The following TOX variants were observed in gnomAD, a reference collection of about 807,000 sequenced individuals.
TOX encodes the protein thymocyte selection associated high mobility group box.
TOX carries 11 observed loss-of-function variants against 53.7 expected under a neutral mutation model. The ratio of observed to expected loss-of-function variants is 0.20; its 90% CI spans 0.13 to 0.34. The LOEUF (loss-of-function observed/expected upper bound fraction) is 0.34. Among genes scored for constraint, TOX ranks in the 10% least tolerant of loss-of-function variants. The probability of loss-of-function intolerance (pLI) is 1.00; values close to 1 mark genes in which losing one functional copy is unlikely to be tolerated. For synonymous variants in TOX, 225 were observed against 245.3 expected (o/e 0.92, Z 0.77); for missense variants, 570 against 664.6 (o/e 0.86, Z 1.56).
chr8:59,111,273 G>T (rs1289254608), intron 1 of TOX, among the ~76,000 whole-genome samples: 1 of 152,054 alleles, frequency 6.6e-6, no homozygotes, highest in African/African-American at 2.4e-5. Context: ...CCTGAGAAAG[G>T]CCTATGGTTT....
intron 1 of TOX, among the ~76,000 whole-genome samples, chr8:59,099,942 T>A (rs1213172228): frequency 3.3e-5 from 5 of 152,182 alleles, no homozygotes; most frequent in African/African-American, 1.2e-4. Context: ...AAAGAAAGGT[T>A]CCTGATTTTG....
intron 1 of TOX, among the ~76,000 whole-genome samples, chr8:58,969,112 T>C (rs1199441623): frequency 6.6e-6 from 1 of 152,202 alleles, no homozygotes; most frequent in Non-Finnish European, 1.5e-5. Flanking sequence ...AAATAGACTT[T>C]TGGTGATTAA....
At chr8:58,909,500 C>CA (rs34610042) in intron 3 of TOX, among the ~76,000 whole-genome samples, 11 of 151,230 alleles carry the variant, frequency 7.3e-5, no homozygotes, top group Middle Eastern at 3.4e-3. Flanking sequence ...CAACCATTTA[C>CA]AAAAAAAAAG....
chr8:58,838,071 A>G lies in TOX; in HGVS notation c.924+10T>C. ...TTATGTAGATTCCCATTCCACTGGG[A>G]ATCCCTTACCTGTTTTTGCTCTTCT... On this transcript the variant is annotated intron_variant, in intron 5 of 8. Coordinates refer to ENST00000361421, the MANE Select transcript of TOX (RefSeq NM_014729.3). 6.2e-7 allele frequency: 1 copy of G among 1,612,226 alleles called. No homozygotes were observed.
intron 1 of TOX, among the ~76,000 whole-genome samples, chr8:59,084,428 C>T (rs749913104): frequency 2.6e-5 from 4 of 152,104 alleles, no homozygotes; most frequent in Non-Finnish European, 4.4e-5. Flanking sequence ...AGATAACACT[C>T]TCTGGTAAAA....
chr8:59,015,979 T>C (rs1814001634), intron 1 of TOX, among the ~76,000 whole-genome samples: 2 of 152,328 alleles, frequency 1.3e-5, no homozygotes, highest in South Asian at 4.1e-4. Flanking sequence ...TTCAGTTTTA[T>C]GCTCTTAAAT....
rs1263613937 is a variant in TOX at position 59,056,404 on chromosome 8, C to T, written c.102+62482G>A. On this transcript the variant is annotated intron_variant, in intron 1 of 8. Coordinates refer to ENST00000361421, the MANE Select transcript of TOX (RefSeq NM_014729.3). ...CTATGATCGTGCCACTGCACTCCAG[C>T]CTGGGTGATAGAGCAAGGCCCTCTC... is the stretch of plus-strand genomic sequence containing the variant. 2.3e-5 allele frequency among the ~76,000 whole-genome samples: 3 copies of T among 132,566 alleles called. No homozygotes were observed. The East Asian group carries it at 6.4e-4, about 28-fold the overall frequency. 87.0% of individuals were successfully genotyped at this position (132,566 alleles called of 152,430 possible). A position where few individuals can be genotyped will look rare whatever the true frequency, so the allele number is the denominator to read the frequency against.
At chr8:59,092,815 T>C (rs974169358) in intron 1 of TOX, among the ~76,000 whole-genome samples, 2 of 152,182 alleles carry the variant, frequency 1.3e-5, no homozygotes, top group African/African-American at 4.8e-5. Flanking sequence ...TATATTATAA[T>C]GACCTATTTG....
At chr8:58,975,368 C>G (rs1813077499) in intron 1 of TOX, among the ~76,000 whole-genome samples, 1 of 152,016 alleles carries the variant, frequency 6.6e-6, no homozygotes, top group Admixed American at 6.6e-5. Flanking sequence ...TGACCAGGTT[C>G]TCTTCTAGAA....
intron 1 of TOX, among the ~76,000 whole-genome samples, chr8:58,998,605 GTAATAAATTTATA>G (rs376794435): frequency 3.1e-5 from 1 of 32,370 alleles, no homozygotes; most frequent in African/African-American, 5.6e-5. Flanking sequence ...ATAAATTTAT[GTAATAAATTTATA>G]TAATAATATA....
At chr8:58,920,695 C>A in intron 3 of TOX, among the ~76,000 whole-genome samples, 3 of 68,598 alleles carry the variant, frequency 4.4e-5, no homozygotes, top group East Asian at 4.2e-4. Flanking sequence ...TACCCTAAAA[C>A]TTAAAGTATA....
At chr8:59,000,795 G>A (rs1813676597) in intron 1 of TOX, among the ~76,000 whole-genome samples, 1 of 152,038 alleles carries the variant, frequency 6.6e-6, no homozygotes, top group Non-Finnish European at 1.5e-5. Context: ...ACATTAAAGA[G>A]ATCAAACCCA....
chr8:58,936,365 G>A (rs1209825924), intron 3 of TOX, among the ~76,000 whole-genome samples: 1 of 152,102 alleles, frequency 6.6e-6, no homozygotes, highest in Non-Finnish European at 1.5e-5. Context: ...AGTTCCTACT[G>A]AGTTCATGGC....
intron 1 of TOX, among the ~76,000 whole-genome samples, chr8:59,017,003 C>T (rs367116): frequency 0.79 from 119,694 of 152,146 alleles, 47,413 homozygotes; most frequent in East Asian, 0.9. Flanking sequence ...AAGATGTCTA[C>T]ATTGCTCCTT....
At chr8:59,003,324 G>T (rs1364758244) in intron 1 of TOX, among the ~76,000 whole-genome samples, 1 of 152,058 alleles carries the variant, frequency 6.6e-6, no homozygotes, top group Non-Finnish European at 1.5e-5. Flanking sequence ...TTTCAGGTGC[G>T]ATTCAAGAAA....
intron 1 of TOX, among the ~76,000 whole-genome samples, chr8:59,090,920 C>T (rs1375048260): frequency 6.6e-6 from 1 of 152,184 alleles, no homozygotes; most frequent in African/African-American, 2.4e-5. Flanking sequence ...GTCCTTTATT[C>T]TATCAAAGGC....
intron 5 of TOX, among the ~76,000 whole-genome samples, chr8:58,836,605 A>C (rs1810550673): frequency 6.6e-6 from 1 of 152,168 alleles, no homozygotes; most frequent in African/African-American, 2.4e-5. Context: ...GTAGGGAAAT[A>C]CGTAGAGATT....
chr8:58,864,489 CA>C (rs2129169395), intron 3 of TOX, among the ~76,000 whole-genome samples: 1 of 152,246 alleles, frequency 6.6e-6, no homozygotes, highest in East Asian at 1.9e-4. Flanking sequence ...CCTAACGTTT[CA>C]AAAATAACTT....
intron 3 of TOX, among the ~76,000 whole-genome samples, chr8:58,923,094 T>C (rs1812099086): frequency 6.6e-6 from 1 of 152,046 alleles, no homozygotes; most frequent in African/African-American, 2.4e-5. Context: ...AAACGGATTT[T>C]TTTTTCTCCT....
Sources: allele counts gnomAD v4.1 joint callset (sites outside exome capture counted in the v4.1 genomes callset), GRCh38; gene constraint gnomAD v4.1.1; transcripts MANE v1.5; gene names NCBI Gene and HGNC (gene_info 2026-07-23, HGNC 2026-07-21).